TMBIM4: variants seen among roughly 807,000 people sequenced by gnomAD.
The protein encoded by TMBIM4 is protein lifeguard 4.
TMBIM4 carries 28 observed loss-of-function variants against 27.7 expected under a neutral mutation model. The observed-to-expected ratio is 1.01, with a 90% CI of 0.75 to 1.38. The LOEUF is 1.38. Ranked by LOEUF, TMBIM4 falls within the 40% of genes most tolerant of loss-of-function variation. TMBIM4 has a pLI of 0.00. For missense variants in TMBIM4, 265 were observed against 277.5 expected (o/e 0.95, Z 0.32); for synonymous variants, 115 against 113.1 (o/e 1.02, Z -0.11).
At chr12:66,163,223 A>T (rs745835093) in intron 1 of TMBIM4, among the ~76,000 whole-genome samples, 28 of 151,416 alleles carry the variant, frequency 1.8e-4, no homozygotes, top group Non-Finnish European at 3.4e-4. Flanking sequence ...ACTAGCAGGG[A>T]CTCTTTCTCC....
chr12:66,157,590 G>C (rs1471558590), intron 1 of TMBIM4, among the ~76,000 whole-genome samples: 1 of 152,200 alleles, frequency 6.6e-6, no homozygotes, highest in Non-Finnish European at 1.5e-5. Flanking sequence ...ATATGGGAGA[G>C]AGCCTTTGGA....
intron 3 of TMBIM4, among the ~76,000 whole-genome samples, chr12:66,151,386 C>T (rs2136864203): frequency 6.6e-6 from 1 of 152,204 alleles, no homozygotes; most frequent in Non-Finnish European, 1.5e-5. Context: ...TATAGGTGCA[C>T]ACCACCATGC....
At chr12:66,148,209 G>A (rs2051783494) in intron 3 of TMBIM4, among the ~76,000 whole-genome samples, 1 of 152,100 alleles carries the variant, frequency 6.6e-6, no homozygotes. Context: ...TATAAATATA[G>A]AACATTCTGT....
intron 3 of TMBIM4, 147 bp from the exon 4 acceptor site, chr12:66,148,088 A>T: frequency 1.7e-6 from 1 of 587,968 alleles, no homozygotes; most frequent in Admixed American, 3.5e-5. Flanking sequence ...GGCAGTTAGT[A>T]AACCCACCAT....
At chr12:66,155,406 C>T (rs2051918827) in intron 1 of TMBIM4, among the ~76,000 whole-genome samples, 1 of 151,588 alleles carries the variant, frequency 6.6e-6, no homozygotes, top group African/African-American at 2.4e-5. Flanking sequence ...GTGGCATGAT[C>T]ATGATTCACT....
intron 5 of TMBIM4, 147 bp from the exon 6 acceptor site, chr12:66,138,916 A>C (rs2051621633): frequency 8.8e-7 from 1 of 1,140,172 alleles, no homozygotes; most frequent in Admixed American, 4.1e-5. Flanking sequence ...CATACAATGA[A>C]TATAATGCCC....
chr12:66,169,746 C>A (rs941532459), intron 1 of TMBIM4, 109 bp downstream of exon 1: 8 of 851,354 alleles, frequency 9.4e-6, no homozygotes, highest in Non-Finnish European at 1.4e-5. Context: ...TGAGCACTCC[C>A]TGTGAGTCCC....
chr12:66,153,397 G>GTAGT lies in TMBIM4; in HGVS notation c.145_148dup (p.Thr50AsnfsTer12). On this transcript the variant is annotated frameshift_variant, in exon 2 of 7. Coordinates refer to ENST00000358230, the MANE Select transcript of TMBIM4 (RefSeq NM_016056.4). LOFTEE classifies it high-confidence loss of function. The stretch of plus-strand genomic sequence containing the variant: ...GTATAAAAAAACTGTTGAAGTCACT[G>GTAGT]TAGTTAAGAGAACCTGCAGAGAAAG... 6.2e-7 allele frequency: 1 copy of GTAGT among 1,601,858 alleles called. No individual in the cohort carries two copies. The highest frequency in any genetic ancestry group is 1.1e-5 in the South Asian group (1 of 88,150).
At chr12:66,141,771 A>G (rs148239644) in intron 5 of TMBIM4, among the ~76,000 whole-genome samples, 52 of 152,320 alleles carry the variant, frequency 3.4e-4, no homozygotes, top group African/African-American at 1.2e-3. Context: ...GGGTCAGTTC[A>G]CCAAGAGTAC....
chr12:66,157,160 T>C (rs531056591), intron 1 of TMBIM4, among the ~76,000 whole-genome samples: 1 of 152,284 alleles, frequency 6.6e-6, no homozygotes, highest in African/African-American at 2.4e-5. Flanking sequence ...TTTAGATCTT[T>C]ACATCCAACT....
chr12:66,153,640 T>G (rs373374108), intron 1 of TMBIM4, among the ~76,000 whole-genome samples, 192 bp from the exon 2 acceptor site: 2 of 152,042 alleles, frequency 1.3e-5, no homozygotes. Context: ...GTAAGAGATA[T>G]CTAAACCTCT....
rs1425270847 is a variant in TMBIM4 at position 66,136,125 on chromosome 12, A to G, written c.*1835T>C. Reference sequence around the variant, plus strand: ...AATGGTATTAATACCATCAGCTGACATTAATTAAGCACTTAGTTTAGTTTA... The same window carrying G: ...AATGGTATTAATACCATCAGCTGACGTTAATTAAGCACTTAGTTTAGTTTA... On this transcript the variant is annotated 3_prime_UTR_variant, in exon 7 of 7. Transcript: ENST00000358230. The G allele has an allele frequency of 1.4e-5, 2 of 147,798 alleles. No homozygotes were observed. 9.2% of individuals were successfully genotyped at this position (147,798 alleles called of 1,614,324 possible). A position where few individuals can be genotyped will look rare whatever the true frequency, so the allele number is the denominator to read the frequency against.
At chr12:66,153,545 A>G in intron 1 of TMBIM4, 97 bp from the exon 2 acceptor site, 1 of 601,750 alleles carries the variant, frequency 1.7e-6, no homozygotes, top group East Asian at 3.3e-5. Context: ...TTTTACACGT[A>G]TTCTTTCCTA....
At chr12:66,148,201 T>C (rs2051783360) in intron 3 of TMBIM4, among the ~76,000 whole-genome samples, 1 of 152,190 alleles carries the variant, frequency 6.6e-6, no homozygotes, top group Non-Finnish European at 1.5e-5. Flanking sequence ...AGGAAGACTA[T>C]AAATATAGAA....
chr12:66,160,715 G>T (rs1164318320), intron 1 of TMBIM4, among the ~76,000 whole-genome samples: 1 of 152,216 alleles, frequency 6.6e-6, no homozygotes, highest in Non-Finnish European at 1.5e-5. Flanking sequence ...AGAGCAGAAA[G>T]ATCACACACA....
At chr12:66,153,593 G>A in intron 1 of TMBIM4, 145 bp from the exon 2 acceptor site, 1 of 448,018 alleles carries the variant, frequency 2.2e-6, no homozygotes, top group Middle Eastern at 6.0e-4. Flanking sequence ...ACTAAAACTA[G>A]ACAAGAATAC....
intron 5 of TMBIM4, among the ~76,000 whole-genome samples, chr12:66,143,975 TAG>T (rs2051710920): frequency 6.6e-6 from 1 of 152,162 alleles, no homozygotes; most frequent in Admixed American, 6.5e-5. Flanking sequence ...AGGATTTTGC[TAG>T]AGAGTCATTA....
At chr12:66,153,904 G>A (rs772193807) in intron 1 of TMBIM4, among the ~76,000 whole-genome samples, 3 of 151,994 alleles carry the variant, frequency 2.0e-5, no homozygotes, top group Non-Finnish European at 4.4e-5. Flanking sequence ...AACTTATCCT[G>A]AAAAGGCAAG....
chr12:66,153,174 A>G (rs2051876952), intron 2 of TMBIM4, among the ~76,000 whole-genome samples, 166 bp downstream of exon 2: 2 of 152,092 alleles, frequency 1.3e-5, no homozygotes, highest in Non-Finnish European at 2.9e-5. Flanking sequence ...GTTGTGGAGT[A>G]TTTTTCTTCA....
Sources: allele counts gnomAD v4.1 joint callset (sites outside exome capture counted in the v4.1 genomes callset), GRCh38; gene constraint gnomAD v4.1.1; transcripts MANE v1.5; gene names NCBI Gene and HGNC (gene_info 2026-07-23, HGNC 2026-07-21).